The following KIF23 variants were observed in gnomAD, a reference collection of about 807,000 sequenced individuals.
KIF23 encodes the protein kinesin-like protein KIF23.
Under a neutral mutation model 137.5 loss-of-function variants are expected in KIF23, and 30 were observed. The ratio of observed to expected loss-of-function variants is 0.22; its 90% CI spans 0.16 to 0.30. The LOEUF (loss-of-function observed/expected upper bound fraction) is 0.30. Ranked by LOEUF, KIF23 falls within the 10% of genes least tolerant of loss-of-function variation. KIF23 has a pLI of 1.00. For missense variants in KIF23, 920 were observed against 1,194.3 expected (o/e 0.77, Z 3.38); for synonymous variants, 367 against 391.1 (o/e 0.94, Z 0.73).
At chr15:69,438,497 C>A in intron 16 of KIF23, 92 bp downstream of exon 16, 1 of 1,237,882 alleles carries the variant, frequency 8.1e-7, no homozygotes, top group Non-Finnish European at 1.1e-6. Context: ...CCTGTAAATG[C>A]TGCTTATTAA....
chr15:69,426,401 T>C lies in KIF23; in HGVS notation c.955T>C (p.Phe319Leu). The C allele has an allele frequency of 6.2e-7, 1 of 1,614,096 alleles. No individual in the cohort carries two copies. The highest frequency in any genetic ancestry group is 8.5e-7 in the Non-Finnish European group (1 of 1,179,936). Residue 319 changes from phenylalanine to leucine, a missense_variant, in exon 10 of 24, where the codon TTC (phenylalanine) becomes CTC (leucine). This residue lies in a region of KIF23 where 714 missense variants were observed against 866.2 expected (regional missense o/e 0.82). Coordinates refer to ENST00000679126, the MANE Select transcript of KIF23 (RefSeq NM_001367805.3). Reference sequence around the variant, plus strand: ...TGAGTCCAGCCGTTCCCATAGCGTGTTCAACATTAAATTAGTTCAGGCTCC... The same window carrying C: ...TGAGTCCAGCCGTTCCCATAGCGTGCTCAACATTAAATTAGTTCAGGCTCC... ...NRESSRSHSV[F>L]NIKLVQAPLD...
intron 11 of KIF23, among the ~76,000 whole-genome samples, chr15:69,431,741 CA>C (rs1567068654): frequency 6.6e-6 from 1 of 151,908 alleles, no homozygotes; most frequent in Non-Finnish European, 1.5e-5. Flanking sequence ...TTGGGATGGA[CA>C]GAGAAGGGTG....
At chr15:69,428,303 T>C (rs932196021) in intron 10 of KIF23, among the ~76,000 whole-genome samples, 8 of 151,900 alleles carry the variant, frequency 5.3e-5, no homozygotes, top group Non-Finnish European at 1.0e-4. Context: ...CTGATTTCCA[T>C]TGAATCACAT....
intron 7 of KIF23, among the ~76,000 whole-genome samples, chr15:69,425,066 G>T (rs548228327): frequency 6.6e-6 from 1 of 152,316 alleles, no homozygotes; most frequent in African/African-American, 2.4e-5. Context: ...AAGGGTGCTT[G>T]TTTGGCCCTG....
At chr15:69,417,909 A>C (rs1452726405) in intron 3 of KIF23, among the ~76,000 whole-genome samples, 1 of 152,204 alleles carries the variant, frequency 6.6e-6, no homozygotes, top group Admixed American at 6.5e-5. Context: ...TATTTTTAGT[A>C]AAGTTTTGAG....
chr15:69,438,508 G>T, intron 16 of KIF23, 103 bp downstream of exon 16: 1 of 1,126,994 alleles, frequency 8.9e-7, no homozygotes. Flanking sequence ...TGCTTATTAA[G>T]AGTTCTCGGT....
rs576044551 is a variant in KIF23 at position 69,441,771 on chromosome 15, T to G, written c.2421+692T>G. ...GTTGTCCCAAAATTGGATTGGCTTT[T>G]CTTTTTTTTTTTTTAAAGACAGAGT... On this transcript the variant is annotated intron_variant, in intron 19 of 23. Transcript: ENST00000679126. Among the ~76,000 whole-genome samples, 6 of 151,850 alleles carry G rather than the reference T, an allele frequency of 4.0e-5. No individual in the cohort carries two copies. The South Asian group carries it at 1.3e-3, about 32-fold the overall frequency.
intron 10 of KIF23, 141 bp downstream of exon 10, chr15:69,426,598 G>A (rs1218836594): frequency 1.3e-5 from 10 of 796,580 alleles, no homozygotes; most frequent in Non-Finnish European, 1.8e-5. Context: ...CACCACTCCT[G>A]TAATCCCAGC....
rs954323010 is a variant in KIF23 at position 69,448,190 on chromosome 15, G to A, written c.*383G>A. The stretch of plus-strand genomic sequence containing the variant: ...TCTAGATCATGTCTGATTTTTTATT[G>A]TGACTTCTCCAGCCCTGGTCTGAAT... On this transcript the variant is annotated 3_prime_UTR_variant, in exon 24 of 24. Transcript: ENST00000679126. 6.4e-6 allele frequency: 1 copy of A among 156,204 alleles called. No individual in the cohort carries two copies. The highest frequency in any genetic ancestry group is 2.4e-5 in the African/African-American group (1 of 41,528). 9.7% of individuals were successfully genotyped at this position (156,204 alleles called of 1,614,324 possible).
intron 11 of KIF23, among the ~76,000 whole-genome samples, chr15:69,432,619 G>GA (rs1035863024): frequency 2.0e-5 from 3 of 152,086 alleles, no homozygotes; most frequent in Non-Finnish European, 2.9e-5. Flanking sequence ...GATGTAGGGT[G>GA]AAGCCTATGG....
At chr15:69,438,601 C>T (rs538834411) in intron 16 of KIF23, among the ~76,000 whole-genome samples, 196 bp downstream of exon 16, 10 of 152,150 alleles carry the variant, frequency 6.6e-5, no homozygotes, top group Non-Finnish European at 1.2e-4. Context: ...AGTTCAAGAA[C>T]GAGCCTGGCC....
At chr15:69,440,220 A>AT in intron 17 of KIF23, 88 bp from the exon 18 acceptor site, 1 of 1,515,166 alleles carries the variant, frequency 6.6e-7, no homozygotes, top group Non-Finnish European at 8.9e-7. Context: ...GAGAACTGTC[A>AT]TTTTTAGGAA....
intron 4 of KIF23, 44 bp downstream of exon 4, chr15:69,421,796 C>T: frequency 7.0e-7 from 1 of 1,424,118 alleles, no homozygotes; most frequent in Non-Finnish European, 9.8e-7. Flanking sequence ...TCCTTTTTCT[C>T]CTCTTCTGAT....
intron 11 of KIF23, chr15:69,434,400 C>T (rs1271061626): frequency 1.5e-5 from 5 of 343,132 alleles, no homozygotes; most frequent in Non-Finnish European, 2.8e-5. Context: ...AGGATTGCGA[C>T]ATTTAATAGC....
rs572364915 is a variant in KIF23 at position 69,434,909 on chromosome 15, C to T, written c.1115-574C>T. ...GCTTGCCCATCACCATGCCCAGCTC[C>T]AGCTCGTGGTGCAGGTTGCAGCTGT... On this transcript the variant is annotated intron_variant, in intron 11 of 23. Coordinates refer to ENST00000679126, the MANE Select transcript of KIF23 (RefSeq NM_001367805.3). The T allele has an allele frequency of 2.4e-5, 17 of 709,284 alleles. No homozygotes were observed. The South Asian group carries it at 2.7e-4, about 11-fold the overall frequency. The allele number at this position is 709,284 out of a possible 1,614,324, so 43.9% of individuals were successfully genotyped here.
rs1313721220 is a variant in KIF23, at chr15:69,446,329, G to C, written c.2803G>C (p.Gly935Arg). 6.2e-7 allele frequency: 1 copy of C among 1,614,020 alleles called. No homozygotes were observed. The highest frequency in any genetic ancestry group is 1.3e-5 in the African/African-American group (1 of 74,922). ...CACAGTAGCACCTGCCCAACCAGATGGTGCAGAGTCTGAATGGACCGATGT... is the reference window on the plus strand; with the variant it reads ...CACAGTAGCACCTGCCCAACCAGATCGTGCAGAGTCTGAATGGACCGATGT... ...SSTVAPAQPD[G>R]AESEWTDVET... The change falls in exon 22 of 24, where the codon GGT becomes CGT. Residue 935 changes from glycine to arginine, a missense_variant. By Grantham distance (125) the Gly-to-Arg change is moderately radical (BLOSUM62 -2). Around this residue, in one of 4 missense-constraint regions of KIF23, gnomAD observed 75 missense variants for 177.9 expected, o/e 0.42. Transcript: ENST00000679126.
At chr15:69,445,776 C>A (rs1446595889) in intron 20 of KIF23, among the ~76,000 whole-genome samples, 1 of 151,994 alleles carries the variant, frequency 6.6e-6, no homozygotes, top group Non-Finnish European at 1.5e-5. Context: ...TTTTTTTCTG[C>A]AATTATGAAT....
At chr15:69,423,130 C>G (rs536248956) in intron 6 of KIF23, 29 bp from the exon 7 acceptor site, 1 of 1,395,080 alleles carries the variant, frequency 7.2e-7, no homozygotes, top group Non-Finnish European at 1.0e-6. Context: ...GGACTTATAA[C>G]GTATACAATT....
At chr15:69,424,737 G>A (rs1396590203) in intron 7 of KIF23, among the ~76,000 whole-genome samples, 1 of 152,096 alleles carries the variant, frequency 6.6e-6, no homozygotes, top group African/African-American at 2.4e-5. Context: ...CGAACTCCTG[G>A]CCTCAAGCAG....
Sources: gnomAD v4.1 joint callset for allele counts (sites outside exome capture counted in the v4.1 genomes callset) on GRCh38, gnomAD v4.1.1 for gene constraint, gnomAD v4.1.1 regional missense constraint, MANE v1.5 for transcripts, NCBI Gene and HGNC (gene_info 2026-07-23, HGNC 2026-07-21) for gene names.